WDR20: variants seen among roughly 807,000 people sequenced by gnomAD.
WDR20 encodes the protein WD repeat domain 20, also known as WD repeat-containing protein 20.
A neutral mutation model predicts 38.7 loss-of-function variants in WDR20; 3 were observed. The observed-to-expected ratio is 0.08, with a 90% CI of 0.04 to 0.20. The LOEUF (loss-of-function observed/expected upper bound fraction) is 0.20, where lower values mean the gene tolerates loss of function less well. WDR20 is among the 10% of genes least tolerant of loss of function. The pLI, the probability that WDR20 is intolerant of heterozygous loss-of-function variation, is 1.00. For missense variants in WDR20, 559 were observed against 727.7 expected, an observed-to-expected ratio of 0.77 and a Z score of 2.67; for synonymous variants, 298 against 285.6, an observed-to-expected ratio of 1.04 and a Z score of -0.44.
At chr14:102,141,454 G>A (rs2051104259) in intron 1 of WDR20, among the ~76,000 whole-genome samples, 1 of 151,974 alleles carries the variant, frequency 6.6e-6, no homozygotes, top group Admixed American at 6.6e-5. Context: ...TTTAGGGTAT[G>A]CTGTTGGAAG....
At chr14:102,159,400 C>T (rs780268973) in intron 1 of WDR20, among the ~76,000 whole-genome samples, 1 of 152,172 alleles carries the variant, frequency 6.6e-6, no homozygotes, top group Non-Finnish European at 1.5e-5. Flanking sequence ...ACCTGGGAGC[C>T]TGTTGGAAGT....
intron 1 of WDR20, among the ~76,000 whole-genome samples, chr14:102,159,744 G>C (rs2058228209): frequency 6.6e-6 from 1 of 152,064 alleles, no homozygotes; most frequent in Non-Finnish European, 1.5e-5. Flanking sequence ...TGAGGTGGGA[G>C]GATCATTTGA....
chr14:102,208,931 T>G lies in WDR20; in HGVS notation c.761T>G (p.Leu254Arg). The change falls in exon 3 of 3, where the codon CTG becomes CGG. Residue 254 changes from leucine (L) to arginine (R), a missense_variant. Coordinates refer to ENST00000342702, the MANE Select transcript of WDR20 (RefSeq NM_144574.4). This position sits in a 1 kb window ranked among gnomAD's most constrained non-coding sequence, Gnocchi z 5.6. ...GTGTTCAACTTTGACTCAGTGGAGC[T>G]GCACGGTACGATGAAAAGCTACTTT... ...LRVFNFDSVE[L>R]HGTMKSYFGG... 1 of 1,614,194 alleles carries G rather than the reference T, an allele frequency of 6.2e-7. No homozygotes were observed. Among genetic ancestry groups the G allele is most frequent in the Non-Finnish European group, 8.5e-7 (1 of 1,180,036 alleles).
At chr14:102,173,208 G>T in intron 1 of WDR20, among the ~76,000 whole-genome samples, 1 of 148,574 alleles carries the variant, frequency 6.7e-6, no homozygotes, top group South Asian at 2.1e-4. Context: ...CACCTCCTGG[G>T]TTCAAGTGAT....
At chr14:102,149,734 C>G (rs1009214392) in intron 1 of WDR20, among the ~76,000 whole-genome samples, 4 of 152,212 alleles carry the variant, frequency 2.6e-5, no homozygotes, top group African/African-American at 9.6e-5. Flanking sequence ...CACTCTGTCG[C>G]CCAGGCTGGA....
In WDR20 at chr14:102,208,253, C is replaced by G. The variant is rs944150227; in HGVS notation, c.433-350C>G. On this transcript the variant is annotated intron_variant, in intron 2 of 2. Coordinates refer to ENST00000342702, the MANE Select transcript of WDR20 (RefSeq NM_144574.4). This position sits in a 1 kb window ranked among gnomAD's most constrained non-coding sequence, Gnocchi z 5.6. ...ATGCAGATGCAGTGACCCCCAGATT[C>G]AGATGCACCTACTGTCAAGGAAGAA... Among the ~76,000 whole-genome samples the G allele has an allele frequency of 5.9e-5, 9 of 152,224 alleles. No individual in the cohort carries two copies. Among genetic ancestry groups the G allele is most frequent in the African/African-American group, 2.2e-4 (9 of 41,460 alleles).
upstream of WDR20, chr14:102,139,512 G>A: frequency 8.3e-7 from 1 of 1,203,782 alleles, no homozygotes; most frequent in Non-Finnish European, 1.1e-6. Flanking sequence ...GGCAGGGCGG[G>A]AGACCGCTGA....
intron 2 of WDR20, among the ~76,000 whole-genome samples, chr14:102,203,688 C>T (rs911388378): frequency 6.6e-6 from 1 of 152,158 alleles, no homozygotes; most frequent in Non-Finnish European, 1.5e-5. Flanking sequence ...TCCCTGCCCA[C>T]CCCCGAAACC....
chr14:102,203,337 T>C (rs965189824), intron 2 of WDR20, among the ~76,000 whole-genome samples: 3 of 152,250 alleles, frequency 2.0e-5, no homozygotes, highest in Non-Finnish European at 4.4e-5. Context: ...TTTCAGCATA[T>C]AACCAGTGTA....
At chr14:102,206,133 C>T (rs1166775836) in intron 2 of WDR20, among the ~76,000 whole-genome samples, 3 of 152,118 alleles carry the variant, frequency 2.0e-5, no homozygotes, top group South Asian at 2.1e-4. Flanking sequence ...ATTACAGGTT[C>T]GCACTACCAT....
chr14:102,169,533 A>G (rs1003568070), intron 1 of WDR20, among the ~76,000 whole-genome samples: 2 of 152,038 alleles, frequency 1.3e-5, no homozygotes, highest in South Asian at 4.1e-4. Flanking sequence ...GATATTCTCA[A>G]GTAACTTTTT....
At chr14:102,187,425 A>G (rs547611830) in intron 1 of WDR20, among the ~76,000 whole-genome samples, 1 of 151,554 alleles carries the variant, frequency 6.6e-6, no homozygotes, top group African/African-American at 2.4e-5. Context: ...GGGGCTCAGG[A>G]GGACATGACA....
upstream of WDR20, chr14:102,139,835 G>A (rs966016417): frequency 3.2e-6 from 5 of 1,547,490 alleles, no homozygotes; most frequent in African/African-American, 4.1e-5. Context: ...GAAGAGGCAG[G>A]GGGTGGGGGA....
At chr14:102,148,023 G>A (rs1231198756) in intron 1 of WDR20, among the ~76,000 whole-genome samples, 3 of 152,324 alleles carry the variant, frequency 2.0e-5, no homozygotes, top group African/African-American at 2.4e-5. Flanking sequence ...GGGCTACTAC[G>A]CCTGGCCAAG....
chr14:102,200,824 C>A (rs1370620148), intron 2 of WDR20, among the ~76,000 whole-genome samples: 2 of 152,198 alleles, frequency 1.3e-5, no homozygotes, highest in Admixed American at 1.3e-4. Context: ...GTAGGTCCCA[C>A]GTCTCCTTGT....
In WDR20 at chr14:102,222,501, C is replaced by T. The variant is rs377062354; in HGVS notation, c.1693-329C>T. Among the ~76,000 whole-genome samples, 1 of 152,352 alleles carries T rather than the reference C, an allele frequency of 6.6e-6. No individual in the cohort carries two copies. Among genetic ancestry groups the T allele is most frequent in the Admixed American group, 6.5e-5 (1 of 15,308 alleles). On this transcript the variant is annotated intron_variant, in intron 3 of 3. Coordinates refer to the WDR20 transcript ENST00000335263. The surrounding 1 kb of genome is among the most constrained non-coding windows in gnomAD (Gnocchi z 4.4). ...CTGAACACCTCCCACGAGGCACCTG[C>T]ACCTTTGGGTCAGCAAAGCTCCAAA... is the stretch of plus-strand genomic sequence containing the variant.
chr14:102,182,855 C>T (rs1258848898), intron 1 of WDR20, among the ~76,000 whole-genome samples: 1 of 151,606 alleles, frequency 6.6e-6, no homozygotes, highest in Non-Finnish European at 1.5e-5. Context: ...AATATATGGC[C>T]CAAACAGAAT....
At chr14:102,214,633 G>A (rs1202406647), downstream of WDR20, 1 of 984,862 alleles carries the variant, frequency 1.0e-6, no homozygotes, top group Non-Finnish European at 1.2e-6. Context: ...AGATTGTTAT[G>A]TTAGGCGACA....
intron 1 of WDR20, chr14:102,178,993 G>T (rs1163395933): frequency 6.6e-6 from 1 of 151,888 alleles, no homozygotes; most frequent in Non-Finnish European, 1.5e-5. Context: ...GGCAGCCGGA[G>T]ATTTCAGCAA....
Sources: gnomAD v4.1 joint callset for allele counts (sites outside exome capture counted in the v4.1 genomes callset) on GRCh38, gnomAD v4.1.1 for gene constraint, Gnocchi (gnomAD v3.1) non-coding constraint, MANE v1.5 for transcripts, NCBI Gene and HGNC (gene_info 2026-07-23, HGNC 2026-07-21) for gene names.